MLIP: variants seen among roughly 807,000 people sequenced by gnomAD.
MLIP encodes muscular LMNA interacting protein.
In MLIP, 79 loss-of-function variants were observed where a neutral mutation model predicts 84.8. That is an observed-to-expected ratio of 0.93 (90% CI 0.78 to 1.12). MLIP has a LOEUF of 1.12. MLIP is among the 50% of genes most tolerant of loss of function. The pLI is 0.00. For missense variants in MLIP, 1,257 were observed against 1,160.6 expected (o/e 1.08, Z -1.21); for synonymous variants, 504 against 463.0 (o/e 1.09, Z -1.14).
At chr6:54,246,789 A>G (rs1782114991) in intron 12 of MLIP, among the ~76,000 whole-genome samples, 1 of 152,042 alleles carries the variant, frequency 6.6e-6, no homozygotes, top group Non-Finnish European at 1.5e-5. Flanking sequence ...CCTTGTATTG[A>G]TATCTGTATC....
intron 11 of MLIP, among the ~76,000 whole-genome samples, chr6:54,221,350 A>G (rs1780206839): frequency 6.6e-6 from 1 of 152,186 alleles, no homozygotes; most frequent in African/African-American, 2.4e-5. Flanking sequence ...AAGGAAAAAA[A>G]GAACTCCAGA....
intron 11 of MLIP, among the ~76,000 whole-genome samples, chr6:54,227,143 C>T (rs533837809): frequency 1.4e-4 from 21 of 152,282 alleles, no homozygotes; most frequent in Admixed American, 3.9e-4. Context: ...TCTCCTGCTC[C>T]GCCATGGTAA....
intron 8 of MLIP, 97 bp downstream of exon 8, chr6:54,160,896 A>G (rs773504615): frequency 4.2e-6 from 4 of 944,208 alleles, no homozygotes; most frequent in Non-Finnish European, 4.9e-6. Flanking sequence ...ATTGAGAAAT[A>G]AATTTAGTGA....
intron 5 of MLIP, among the ~76,000 whole-genome samples, chr6:54,151,909 C>G (rs1773484340): frequency 6.6e-6 from 1 of 152,118 alleles, no homozygotes; most frequent in African/African-American, 2.4e-5. Context: ...CAGTTTTAAT[C>G]AACCCTGGAT....
chr6:54,169,413 G>C, intron 8 of MLIP, 115 bp from the exon 9 acceptor site: 1 of 553,398 alleles, frequency 1.8e-6, no homozygotes, highest in Non-Finnish European at 3.1e-6. Flanking sequence ...ATTGTATAGA[G>C]AGAGCAATGT....
intron 3 of MLIP, among the ~76,000 whole-genome samples, chr6:54,133,066 T>C (rs1176369600): frequency 6.6e-6 from 1 of 151,990 alleles, no homozygotes; most frequent in East Asian, 1.9e-4. Context: ...GGCAAGAAGG[T>C]TGAGATTGAA....
rs570853360 is a variant in MLIP at position 54,241,686 on chromosome 6, G to A, written c.2922+10769G>A. Among the ~76,000 whole-genome samples the A allele has an allele frequency of 6.6e-5, 10 of 152,114 alleles. No homozygotes were observed. In the East Asian group the frequency reaches 1.9e-3, roughly 29 times the overall value. ...CTATGTTTTTGCTAAAAAAGATGAA[G>A]CATTTACTTATAATACATTTTACCT... On this transcript the variant is annotated intron_variant, in intron 12 of 13. Transcript: ENST00000502396.
At chr6:54,260,565 A>G (rs908328777) in intron 13 of MLIP, among the ~76,000 whole-genome samples, 1 of 152,016 alleles carries the variant, frequency 6.6e-6, no homozygotes, top group African/African-American at 2.4e-5. Flanking sequence ...AAATAAATCC[A>G]TCATTCAACC....
chr6:54,053,398 A>T (rs1415288413), intron 1 of MLIP, among the ~76,000 whole-genome samples: 1 of 152,124 alleles, frequency 6.6e-6, no homozygotes, highest in East Asian at 1.9e-4. Flanking sequence ...CTTTTCTTTC[A>T]TGGTTTAGAG....
intron 1 of MLIP, among the ~76,000 whole-genome samples, chr6:54,080,273 C>T (rs1444699348): frequency 6.6e-6 from 1 of 152,080 alleles, no homozygotes; most frequent in Non-Finnish European, 1.5e-5. Flanking sequence ...TGTTTAACCC[C>T]CTCTGCCATG....
At chr6:54,102,535 G>A (rs530301866) in intron 1 of MLIP, among the ~76,000 whole-genome samples, 23 of 152,104 alleles carry the variant, frequency 1.5e-4, no homozygotes, top group African/African-American at 5.3e-4. Context: ...ATTCAGATTC[G>A]GTTGTTATTT....
At chr6:54,047,658 A>G (rs957289638) in intron 1 of MLIP, 12 of 152,218 alleles carry the variant, frequency 7.9e-5, no homozygotes, top group African/African-American at 2.9e-4. Flanking sequence ...ACGTGATGTC[A>G]CTGTTGAACT....
chr6:54,137,070 C>T lies in MLIP; in HGVS notation c.1001C>T (p.Ser334Leu), dbSNP rs1223114106. The change falls in exon 4 of 14, where the codon TCG becomes TTG. Residue 334 changes from serine to leucine, a missense_variant. Coordinates refer to ENST00000502396, the MANE Select transcript of MLIP (RefSeq NM_001281747.2). ...SEVLKKTTLT[S>L]HVLSHGESPR... ...GTTCTCAAGAAGACAACTTTAACCT[C>T]GCATGTCCTTAGTCACGGAGAAAGT... is the stretch of plus-strand genomic sequence containing the variant. 2.0e-6 allele frequency: 3 copies of T among 1,536,098 alleles called. No individual in the cohort carries two copies. Among genetic ancestry groups the T allele is most frequent in the East Asian group, 2.4e-5 (1 of 40,910 alleles).
intron 1 of MLIP, among the ~76,000 whole-genome samples, chr6:54,024,294 G>A (rs1198047617): frequency 3.3e-5 from 5 of 152,210 alleles, no homozygotes; most frequent in Non-Finnish European, 7.3e-5. Context: ...TTACAGGTGT[G>A]AGCCACCATG....
chr6:54,146,191 A>G (rs1023885608), intron 4 of MLIP, among the ~76,000 whole-genome samples: 2 of 152,220 alleles, frequency 1.3e-5, no homozygotes, highest in African/African-American at 4.8e-5. Flanking sequence ...GTGATCCAAC[A>G]GTATGAAGTA....
chr6:54,219,498 T>C (rs1231046293), intron 11 of MLIP, among the ~76,000 whole-genome samples: 1 of 151,880 alleles, frequency 6.6e-6, no homozygotes, highest in Non-Finnish European at 1.5e-5. Flanking sequence ...CCAATACATA[T>C]ATGGTCTGCT....
At chr6:54,259,771 C>A (rs1783261718) in intron 13 of MLIP, among the ~76,000 whole-genome samples, 1 of 151,768 alleles carries the variant, frequency 6.6e-6, no homozygotes, top group Admixed American at 6.6e-5. Flanking sequence ...TTTTGTGATT[C>A]CAGTGTTCTG....
chr6:54,071,337 A>T (rs954255841), intron 1 of MLIP, among the ~76,000 whole-genome samples: 1 of 151,738 alleles, frequency 6.6e-6, no homozygotes, highest in African/African-American at 2.4e-5. Flanking sequence ...AAGAAAAAAA[A>T]ACAAAGTTAT....
intron 11 of MLIP, among the ~76,000 whole-genome samples, chr6:54,220,172 T>C (rs968780101): frequency 6.6e-6 from 1 of 152,176 alleles, no homozygotes; most frequent in African/African-American, 2.4e-5. Context: ...CAATTTAAAA[T>C]ATAGTTTTAT....
Sources: gnomAD v4.1 joint callset for allele counts (sites outside exome capture counted in the v4.1 genomes callset) on GRCh38, gnomAD v4.1.1 for gene constraint, MANE v1.5 for transcripts, NCBI Gene and HGNC (gene_info 2026-07-23, HGNC 2026-07-21) for gene names.